Variants in DTD1 observed in about 807,000 individuals in gnomAD.
DTD1 encodes D-aminoacyl-tRNA deacylase 1.
DTD1 carries 13 observed loss-of-function variants against 25.6 expected under a neutral mutation model. That is an observed-to-expected ratio of 0.51 (90% CI 0.33 to 0.81). The LOEUF (loss-of-function observed/expected upper bound fraction) is 0.81, where lower values mean the gene tolerates loss of function less well. DTD1 is among the 30% of genes least tolerant of loss of function. The pLI, the probability that DTD1 is intolerant of heterozygous loss-of-function variation, is 0.02. For synonymous variants in DTD1, 110 were observed against 103.6 expected, an observed-to-expected ratio of 1.06 and a Z score of -0.37; for missense variants, 193 against 266.4, an observed-to-expected ratio of 0.72 and a Z score of 1.92.
rs147947014 is a variant in DTD1 at position 18,589,763 on chromosome 20, A to G, written c.43+1648A>G. On this transcript the variant is annotated intron_variant, in intron 1 of 5. Transcript: ENST00000377452. ...CTAATCTGGAATATTGAAAATGTGT[A>G]TTCTGTGAGATGTGCTGAATAAGAG... Among the ~76,000 whole-genome samples, 529 of 152,322 alleles carry G rather than the reference A, an allele frequency of 3.5e-3. 1 individual carries two copies. Among genetic ancestry groups the G allele is most frequent in the African/African-American group, 0.012 (487 of 41,578 alleles).
intron 4 of DTD1, among the ~76,000 whole-genome samples, chr20:18,719,703 A>G (rs901003129): frequency 6.6e-6 from 1 of 152,236 alleles, no homozygotes; most frequent in Middle Eastern, 3.2e-3. Flanking sequence ...CTGCTTCCCC[A>G]CTGGGCATGC....
At chr20:18,590,804 G>A (rs546696931) in intron 1 of DTD1, among the ~76,000 whole-genome samples, 3 of 152,100 alleles carry the variant, frequency 2.0e-5, no homozygotes, top group South Asian at 4.1e-4. Flanking sequence ...CTTAGGTTGG[G>A]TACTGTGATA....
intron 5 of DTD1, among the ~76,000 whole-genome samples, chr20:18,744,570 A>C (rs773533371): frequency 6.7e-6 from 1 of 148,220 alleles, no homozygotes; most frequent in African/African-American, 2.5e-5. Flanking sequence ...CATTTCTTAC[A>C]TGGCGGCAGG....
chr20:18,614,432 G>A (rs548868051), intron 3 of DTD1, among the ~76,000 whole-genome samples: 207 of 152,294 alleles, frequency 1.4e-3, no homozygotes, highest in Non-Finnish European at 2.5e-3. Flanking sequence ...TGTCTGCTTC[G>A]GCTGGAGAAA....
intron 5 of DTD1, among the ~76,000 whole-genome samples, chr20:18,747,392 G>T (rs929108673): frequency 2.0e-5 from 3 of 152,194 alleles, no homozygotes; most frequent in Non-Finnish European, 1.5e-5. Flanking sequence ...TGGGCAGGGC[G>T]GGGGCAGGCA....
rs185569051 is a variant in DTD1 at position 18,640,508 on chromosome 20, C to T, written c.477+12275C>T. On this transcript the variant is annotated intron_variant, in intron 4 of 5. Coordinates refer to ENST00000377452, the MANE Select transcript of DTD1 (RefSeq NM_080820.6). ...ATGGTATCTCTGGGTGGGTATATGT[C>T]AGAAGATTTTTTTAAATTGTGTTTA... Among the ~76,000 whole-genome samples, 5 of 151,926 alleles carry T rather than the reference C, an allele frequency of 3.3e-5. No individual in the cohort carries two copies. In the East Asian group the frequency reaches 9.7e-4, roughly 29 times the overall value.
chr20:18,628,988 A>ATTTTTTTTTTTTTTTTTTTTTTTTTT (rs10594706), intron 4 of DTD1, among the ~76,000 whole-genome samples: 1 of 71,536 alleles, frequency 1.4e-5, no homozygotes. Flanking sequence ...TCAAAGCCTG[A>ATTTTTTTTTTTTTTTTTTTTTTTTTT]TTTTTTTTTT....
chr20:18,668,730 G>A (rs991221838), intron 4 of DTD1, among the ~76,000 whole-genome samples: 9 of 152,126 alleles, frequency 5.9e-5, no homozygotes, highest in African/African-American at 9.7e-5. Context: ...TCATTTTCAC[G>A]CAGCTCATAG....
intron 4 of DTD1, among the ~76,000 whole-genome samples, chr20:18,738,503 C>T (rs1029495193): frequency 3.3e-5 from 5 of 152,230 alleles, no homozygotes; most frequent in Non-Finnish European, 7.3e-5. Context: ...TTCTGTGCAC[C>T]TCTGGATGTC....
chr20:18,613,292 C>T lies in DTD1; in HGVS notation c.371-14835C>T, dbSNP rs373974022. On this transcript the variant is annotated intron_variant, in intron 3 of 5. Coordinates refer to ENST00000377452, the MANE Select transcript of DTD1 (RefSeq NM_080820.6). The stretch of plus-strand genomic sequence containing the variant: ...GCAGTTCCTGCCCTAAAGGAGCTCA[C>T]GGTCTAGAGAAGAGAGATACTAAAC... Among the ~76,000 whole-genome samples, 11 of 152,160 alleles carry T rather than the reference C, an allele frequency of 7.2e-5. No homozygotes were observed. In the East Asian group the frequency reaches 9.6e-4, roughly 13 times the overall value.
At position 18,760,898 on chromosome 20, in the gene DTD1, C is replaced by T. The variant is rs971574058; in HGVS notation, c.*20-2462C>T. ...TGGGCTCCACCCAGTTCGAGCTTCC[C>T]GGCCGCTTTGTTTGCCTACTCAAGC... On this transcript the variant is annotated intron_variant, in intron 5 of 5. Transcript: ENST00000377452. Among the ~76,000 whole-genome samples, 33 of 152,190 alleles carry T rather than the reference C, an allele frequency of 2.2e-4. 1 individual carries two copies. Among genetic ancestry groups the T allele is most frequent in the South Asian group, 4.1e-4 (2 of 4,834 alleles).
intron 4 of DTD1, among the ~76,000 whole-genome samples, chr20:18,710,417 C>G (rs2061154040): frequency 6.6e-6 from 1 of 151,592 alleles, no homozygotes; most frequent in South Asian, 2.1e-4. Flanking sequence ...TAAATAGTGA[C>G]CATGGTTTTT....
chr20:18,631,909 T>C, intron 4 of DTD1: 1 of 984,524 alleles, frequency 1.0e-6, no homozygotes, highest in South Asian at 4.7e-5. Flanking sequence ...CAGTACCCTC[T>C]TCTTGTTTAG....
In DTD1 at chr20:18,632,902, G is replaced by A. The variant is rs572842151; in HGVS notation, c.477+4669G>A. On this transcript the variant is annotated intron_variant, in intron 4 of 5. Coordinates refer to ENST00000377452, the MANE Select transcript of DTD1 (RefSeq NM_080820.6). ...TGTGGGTATGTGTGCATGCATTTGT[G>A]TATGTATGTAAGCACCAAGTGTCGT... Among the ~76,000 whole-genome samples the A allele has an allele frequency of 2.0e-5, 3 of 152,228 alleles. No homozygotes were observed. The South Asian group carries it at 6.2e-4, about 32-fold the overall frequency.
At chr20:18,741,484 G>C (rs1471419215) in intron 4 of DTD1, among the ~76,000 whole-genome samples, 1 of 152,112 alleles carries the variant, frequency 6.6e-6, no homozygotes, top group African/African-American at 2.4e-5. Context: ...TTATAAAGTT[G>C]ATGGTTACAG....
At chr20:18,714,857 C>T (rs2061174044) in intron 4 of DTD1, among the ~76,000 whole-genome samples, 1 of 152,206 alleles carries the variant, frequency 6.6e-6, no homozygotes, top group Admixed American at 6.5e-5. Context: ...TTCAGTACCC[C>T]AAGGAGAAAC....
intron 4 of DTD1, chr20:18,631,318 A>G (rs6081260): frequency 0.36 from 355,443 of 984,708 alleles, 65,815 homozygotes; most frequent in Middle Eastern, 0.38. Context: ...TAGAGCATAA[A>G]ACGAAAGGTG....
At chr20:18,650,661 A>G (rs1005060875) in intron 4 of DTD1, among the ~76,000 whole-genome samples, 1 of 152,218 alleles carries the variant, frequency 6.6e-6, no homozygotes, top group Non-Finnish European at 1.5e-5. Flanking sequence ...AAGTTCCCCA[A>G]GGGCAGGGAT....
At chr20:18,717,338 T>C (rs1170758205) in intron 4 of DTD1, among the ~76,000 whole-genome samples, 2 of 152,238 alleles carry the variant, frequency 1.3e-5, no homozygotes, top group Non-Finnish European at 2.9e-5. Flanking sequence ...GCTACTATGA[T>C]TTAATACTGC....
Sources: gnomAD v4.1 joint callset for allele counts (sites outside exome capture counted in the v4.1 genomes callset) on GRCh38, gnomAD v4.1.1 for gene constraint, MANE v1.5 for transcripts, NCBI Gene and HGNC (gene_info 2026-07-23, HGNC 2026-07-21) for gene names.